Variants in DNAI7 observed in about 807,000 individuals in gnomAD.
The protein encoded by DNAI7 is dynein axonemal intermediate chain 7.
DNAI7 carries 78 observed loss-of-function variants against 86.6 expected under a neutral mutation model. That is an observed-to-expected ratio of 0.90 (90% confidence interval 0.75 to 1.09). The LOEUF (loss-of-function observed/expected upper bound fraction) is 1.09, where lower values mean the gene tolerates loss of function less well. Ranked by LOEUF, DNAI7 falls within the 50% of genes least tolerant of loss-of-function variation. The pLI, the probability that DNAI7 is intolerant of heterozygous loss-of-function variation, is 0.00. For synonymous variants in DNAI7, 274 were observed against 273.0 expected (o/e 1.00, Z -0.04); for missense variants, 753 against 810.2 (o/e 0.93, Z 0.86).
At chr12:25,131,215 CAT>C (rs1364472293) in intron 9 of DNAI7, among the ~76,000 whole-genome samples, 4 of 148,754 alleles carry the variant, frequency 2.7e-5, no homozygotes, top group Non-Finnish European at 4.5e-5. Context: ...AAATCCAAAA[CAT>C]AGTTAAGTTT....
chr12:25,147,362 T>C (rs943766338), intron 7 of DNAI7, among the ~76,000 whole-genome samples: 27 of 152,180 alleles, frequency 1.8e-4, no homozygotes, highest in African/African-American at 6.0e-4. Flanking sequence ...GAATTAAAGT[T>C]GCTCTTAGGT....
At chr12:25,130,678 C>T (rs1942797778) in intron 9 of DNAI7, among the ~76,000 whole-genome samples, 1 of 152,118 alleles carries the variant, frequency 6.6e-6, no homozygotes, top group Non-Finnish European at 1.5e-5. Flanking sequence ...GACCCACATA[C>T]TATAATGCAT....
chr12:25,173,329 C>T (rs1393009159), intron 2 of DNAI7, among the ~76,000 whole-genome samples: 1 of 152,010 alleles, frequency 6.6e-6, no homozygotes, highest in Non-Finnish European at 1.5e-5. Context: ...ATACAAATGG[C>T]CAATAAACAT....
At chr12:25,169,624 G>A (rs1473631894) in intron 2 of DNAI7, among the ~76,000 whole-genome samples, 1 of 152,098 alleles carries the variant, frequency 6.6e-6, no homozygotes, top group Non-Finnish European at 1.5e-5. Flanking sequence ...AAGGCAGGGG[G>A]ATCACCTGAG....
At chr12:25,195,018 T>C in intron 1 of DNAI7, 58 bp downstream of exon 1, 3 of 1,614,162 alleles carry the variant, frequency 1.9e-6, no homozygotes, top group Non-Finnish European at 2.5e-6. Context: ...TATTTAACAC[T>C]GGTGAAGCAG....
chr12:25,153,880 T>C (rs1289305965), intron 6 of DNAI7, among the ~76,000 whole-genome samples: 4 of 152,204 alleles, frequency 2.6e-5, no homozygotes, highest in Non-Finnish European at 1.5e-5. Context: ...ACCATCCTAT[T>C]TGCAGGAACA....
Position 25,154,301 on chromosome 12 carries a change from A to C in DNAI7, c.438+18T>G. The C allele has an allele frequency of 6.3e-7, 1 of 1,575,018 alleles. No individual in the cohort carries two copies. Among genetic ancestry groups the C allele is most frequent in the Non-Finnish European group, 8.6e-7 (1 of 1,169,126 alleles). ...TATTTGTAATAGCCAGTTTATAGGA[A>C]AATGCATAAATACCTACATTTAGCA... On this transcript the variant is annotated intron_variant, in intron 6 of 15. Coordinates refer to ENST00000395987, the MANE Select transcript of DNAI7 (RefSeq NM_018272.5).
intron 13 of DNAI7, among the ~76,000 whole-genome samples, chr12:25,112,857 T>A (rs906981762): frequency 4.6e-5 from 7 of 152,224 alleles, no homozygotes; most frequent in Non-Finnish European, 8.8e-5. Context: ...ATTTTACAGT[T>A]AGAGCATGTG....
rs773861635 is a variant in DNAI7 at position 25,149,655 on chromosome 12, G to A, written c.558C>T (p.Phe186=). ...TGAGAAGTATTTCTGTGGCTACACC[G>A]AATTTAAGATGAAGGAGCTCCTGCA... ...LQLQELLHLK[F]GVATEILLKQ... The change falls in exon 7 of 16, where the codon TTC becomes TTT. Residue 186 remains phenylalanine (F), a synonymous_variant. Transcript: ENST00000395987. 52 of 1,606,548 alleles carry A rather than the reference G, an allele frequency of 3.2e-5. No homozygotes were observed. Among genetic ancestry groups the A allele is most frequent in the East Asian group, 2.9e-4 (13 of 44,614 alleles).
chr12:25,192,839 A>AT (rs1226712566), intron 1 of DNAI7: 1 of 151,144 alleles, frequency 6.6e-6, no homozygotes, highest in Non-Finnish European at 1.5e-5. Context: ...GCCTCAAAAA[A>AT]AAAAAAAAAA....
chr12:25,180,254 G>C (rs1003571825), intron 2 of DNAI7, among the ~76,000 whole-genome samples: 1 of 152,044 alleles, frequency 6.6e-6, no homozygotes. Flanking sequence ...TCTCTACAAA[G>C]AGAACTACAA....
intron 2 of DNAI7, among the ~76,000 whole-genome samples, chr12:25,174,975 A>C (rs988969760): frequency 6.6e-6 from 1 of 151,884 alleles, no homozygotes; most frequent in Non-Finnish European, 1.5e-5. Context: ...GAGTGGAAGG[A>C]GGGCAAGGGA....
chr12:25,153,240 G>A lies in DNAI7; in HGVS notation c.438+1079C>T, dbSNP rs75304506. On this transcript the variant is annotated intron_variant, in intron 6 of 15. Transcript: ENST00000395987. Reference sequence around the variant, plus strand: ...AGTTTGAGACCATCCTGGCCAACATGGTGAAACCTCATTTCTACTAAAAAT... The same window carrying A: ...AGTTTGAGACCATCCTGGCCAACATAGTGAAACCTCATTTCTACTAAAAAT... Among the ~76,000 whole-genome samples, 125 of 152,184 alleles carry A rather than the reference G, an allele frequency of 8.2e-4. 4 individuals carry two copies. In the East Asian group the frequency reaches 0.022, roughly 27 times the overall value.
rs565816083 is a variant in DNAI7 at position 25,145,107 on chromosome 12, T to G, written c.690-430A>C. On this transcript the variant is annotated intron_variant, in intron 8 of 15. Transcript: ENST00000395987. ...TTCCTAGGTTTGGGTAGGAGTATGATGCATCTCTGAATGGACTTTAAGCGG... is the reference window on the plus strand; with the variant it reads ...TTCCTAGGTTTGGGTAGGAGTATGAGGCATCTCTGAATGGACTTTAAGCGG... Among the ~76,000 whole-genome samples, 43 of 152,314 alleles carry G rather than the reference T, an allele frequency of 2.8e-4. No homozygotes were observed. In the South Asian group the frequency reaches 8.5e-3, roughly 30 times the overall value.
intron 2 of DNAI7, among the ~76,000 whole-genome samples, chr12:25,162,243 T>G (rs2141038946): frequency 6.6e-6 from 1 of 152,264 alleles, no homozygotes; most frequent in East Asian, 1.9e-4. Flanking sequence ...TAGTAATGAT[T>G]AAAATTGGAG....
intron 3 of DNAI7, among the ~76,000 whole-genome samples, chr12:25,160,350 C>G (rs140009103): frequency 1.2e-4 from 18 of 152,214 alleles, no homozygotes; most frequent in East Asian, 1.9e-4. Context: ...ATGTTCAATT[C>G]TTTGCCTTCT....
Position 25,121,842 on chromosome 12 carries a change from G to A in DNAI7, c.1150C>T (p.Gln384Ter). Residue 384 changes from glutamine (Q) to a stop codon, truncating the protein, a stop_gained, in exon 11 of 16, where the codon CAG becomes TAG. Transcript: ENST00000395987. LOFTEE classifies it high-confidence loss of function. ...FFEDNVVDLC[Q>*]FTTLGGVYHL... The stretch of plus-strand genomic sequence containing the variant: ...TATACTCCACCCAGAGTTGTGAACT[G>A]GCATAAATCCACCACATTGTCTTCA... 2 of 1,603,696 alleles carry A rather than the reference G, an allele frequency of 1.2e-6. No homozygotes were observed. Among genetic ancestry groups the A allele is most frequent in the Non-Finnish European group, 1.7e-6 (2 of 1,176,818 alleles).
At chr12:25,175,004 G>T (rs1948801602) in intron 2 of DNAI7, among the ~76,000 whole-genome samples, 1 of 151,796 alleles carries the variant, frequency 6.6e-6, no homozygotes, top group East Asian at 1.9e-4. Flanking sequence ...TACAAATACG[G>T]TGCAGTGTAT....
At chr12:25,191,781 G>C (rs11609324) in intron 1 of DNAI7, among the ~76,000 whole-genome samples, 1,630 of 152,240 alleles carry the variant, frequency 0.011, 8 homozygotes, top group Non-Finnish European at 0.018. Context: ...TTTTAAGGCA[G>C]ATCTATTCTT....
Sources: allele counts gnomAD v4.1 joint callset (sites outside exome capture counted in the v4.1 genomes callset), GRCh38; gene constraint gnomAD v4.1.1; transcripts MANE v1.5; gene names NCBI Gene and HGNC (gene_info 2026-07-23, HGNC 2026-07-21).